ITPR2: variants seen among roughly 807,000 people sequenced by gnomAD.
The protein encoded by ITPR2 is inositol 1,4,5-trisphosphate-gated calcium channel ITPR2.
Under a neutral mutation model 317.1 loss-of-function variants are expected in ITPR2, and 207 were observed. The observed-to-expected ratio is 0.65, with a 90% CI of 0.58 to 0.73. The LOEUF (loss-of-function observed/expected upper bound fraction) is 0.73, where lower values mean the gene tolerates loss of function less well. Ranked by LOEUF, ITPR2 falls within the 30% of genes least tolerant of loss-of-function variation. ITPR2 has a pLI of 0.00. For missense variants in ITPR2, 2,613 were observed against 3,284.0 expected, an observed-to-expected ratio of 0.80 and a Z score of 4.99; for synonymous variants, 1,156 against 1,149.1, an observed-to-expected ratio of 1.01 and a Z score of -0.12.
chr12:26,811,473 C>T (rs1386911958), intron 1 of ITPR2, among the ~76,000 whole-genome samples: 1 of 145,122 alleles, frequency 6.9e-6, no homozygotes, highest in Non-Finnish European at 1.5e-5. Context: ...TGGTTGGGCG[C>T]GGTGGCTCAC....
intron 48 of ITPR2, among the ~76,000 whole-genome samples, chr12:26,432,265 C>G (rs934924827): frequency 6.6e-6 from 1 of 152,076 alleles, no homozygotes; most frequent in Non-Finnish European, 1.5e-5. Context: ...GTTGCTCAGT[C>G]TTTCTTTGTC....
At chr12:26,692,234 A>AG (rs145535530) in intron 10 of ITPR2, among the ~76,000 whole-genome samples, 27,471 of 152,152 alleles carry the variant, frequency 0.18, 3,287 homozygotes, top group Non-Finnish European at 0.26. Context: ...GGTTCTCAAC[A>AG]GGGAATGATA....
At chr12:26,675,932 C>A (rs1592026356) in intron 13 of ITPR2, among the ~76,000 whole-genome samples, 1 of 152,074 alleles carries the variant, frequency 6.6e-6, no homozygotes, top group Admixed American at 6.6e-5. Context: ...CAGAGGCGGG[C>A]AGATCACCTG....
intron 45 of ITPR2, among the ~76,000 whole-genome samples, chr12:26,465,348 C>T (rs1188737733): frequency 6.6e-6 from 1 of 152,128 alleles, no homozygotes; most frequent in Non-Finnish European, 1.5e-5. Flanking sequence ...TGACTGGTGG[C>T]CTCACCAAGA....
chr12:26,604,598 T>C lies in ITPR2; in HGVS notation c.3463-1892A>G, dbSNP rs538808964. 1.3e-4 allele frequency among the ~76,000 whole-genome samples: 20 copies of C among 152,262 alleles called. No individual in the cohort carries two copies. The East Asian group carries it at 2.7e-3, about 21-fold the overall frequency. On this transcript the variant is annotated intron_variant, in intron 26 of 56. Coordinates refer to ENST00000381340, the MANE Select transcript of ITPR2 (RefSeq NM_002223.4). Reference sequence around the variant, plus strand: ...CACTTGTCACTCATACTCACTAGAATTGGAAATGCAAAAAGTAAAAGATCA... The same window carrying C: ...CACTTGTCACTCATACTCACTAGAACTGGAAATGCAAAAAGTAAAAGATCA...
At chr12:26,472,548 A>G (rs1942318144) in intron 45 of ITPR2, among the ~76,000 whole-genome samples, 1 of 151,436 alleles carries the variant, frequency 6.6e-6, no homozygotes, top group African/African-American at 2.4e-5. Context: ...CATTGATATC[A>G]TTGATTTATC....
intron 37 of ITPR2, among the ~76,000 whole-genome samples, chr12:26,502,142 C>T (rs1411343089): frequency 2.0e-5 from 3 of 152,158 alleles, no homozygotes; most frequent in African/African-American, 7.2e-5. Flanking sequence ...TTAATTAAAA[C>T]CTCCCAGTAT....
At chr12:26,380,318 A>G (rs1236269579) in intron 55 of ITPR2, among the ~76,000 whole-genome samples, 2 of 152,228 alleles carry the variant, frequency 1.3e-5, no homozygotes, top group Non-Finnish European at 2.9e-5. Context: ...GGTCTTACAC[A>G]TGAATACTAA....
At position 26,486,364 on chromosome 12, in the gene ITPR2, A is replaced by G. The variant is rs1301533197; in HGVS notation, c.5555-4T>C. 1 of 1,606,172 alleles carries G rather than the reference A, an allele frequency of 6.2e-7. No homozygotes were observed. On this transcript the variant is annotated splice_polypyrimidine_tract_variant and splice_region_variant and intron_variant, in intron 40 of 56. Coordinates refer to ENST00000381340, the MANE Select transcript of ITPR2 (RefSeq NM_002223.4). Reference sequence around the variant, plus strand: ...AAATGTAGTGTTGAATCTCTTACTGAAAACAAAGCAGTACTTTTATATTTC... The same window carrying G: ...AAATGTAGTGTTGAATCTCTTACTGGAAACAAAGCAGTACTTTTATATTTC...
chr12:26,506,786 C>T (rs1415560159), intron 37 of ITPR2, among the ~76,000 whole-genome samples: 1 of 152,010 alleles, frequency 6.6e-6, no homozygotes, highest in Non-Finnish European at 1.5e-5. Context: ...ATAGGATTTT[C>T]GTATTTTACT....
At position 26,657,852 on chromosome 12, in the gene ITPR2, T is replaced by G. The variant is rs1399514463; in HGVS notation, c.2047A>C (p.Ile683Leu). 4.3e-6 allele frequency: 7 copies of G among 1,614,182 alleles called. No individual in the cohort carries two copies. In the South Asian group the frequency reaches 6.6e-5, roughly 15 times the overall value. ...MQADNPMESSILSDDIDDEEV... is the reference protein window; with the variant it reads ...MQADNPMESSLLSDDIDDEEV... ...TCATCATCAATGTCATCTGAAAGGATGGAGCTCTCCATGGGGTTGTCTGCT... is the reference window on the plus strand; with the variant it reads ...TCATCATCAATGTCATCTGAAAGGAGGGAGCTCTCCATGGGGTTGTCTGCT... Residue 683 changes from isoleucine (I) to leucine (L), a missense_variant, in exon 18 of 57, where the codon ATC becomes CTC. Physicochemically the swap from Ile to Leu is conservative, Grantham distance 5. Transcript: ENST00000381340.
At chr12:26,821,248 T>C (rs562972828) in intron 1 of ITPR2, among the ~76,000 whole-genome samples, 46 of 152,328 alleles carry the variant, frequency 3.0e-4, no homozygotes, top group Non-Finnish European at 4.7e-4. Flanking sequence ...CTTTCTCCCA[T>C]ACCACACTGC....
chr12:26,443,980 A>G (rs1335735733), intron 45 of ITPR2, among the ~76,000 whole-genome samples: 1 of 152,208 alleles, frequency 6.6e-6, no homozygotes, highest in Non-Finnish European at 1.5e-5. Flanking sequence ...CAACAGTGCA[A>G]TAAATCAGTG....
chr12:26,540,292 A>G (rs1944221981), intron 37 of ITPR2, among the ~76,000 whole-genome samples: 1 of 152,242 alleles, frequency 6.6e-6, no homozygotes, highest in South Asian at 2.1e-4. Flanking sequence ...AAGTGCTGAA[A>G]TGATTACAAA....
intron 55 of ITPR2, among the ~76,000 whole-genome samples, chr12:26,347,168 C>A (rs902962648): frequency 4.6e-5 from 7 of 152,172 alleles, no homozygotes; most frequent in Admixed American, 3.9e-4. Context: ...TATAATCTAT[C>A]CCTATTCTTA....
At chr12:26,712,703 G>A (rs541325425) in intron 8 of ITPR2, among the ~76,000 whole-genome samples, 98 of 151,812 alleles carry the variant, frequency 6.5e-4, no homozygotes, top group African/African-American at 2.3e-3. Flanking sequence ...TAAATGCTAA[G>A]GTTAACAAAT....
intron 37 of ITPR2, among the ~76,000 whole-genome samples, chr12:26,522,602 T>C (rs533014661): frequency 6.6e-6 from 1 of 152,180 alleles, no homozygotes; most frequent in Non-Finnish European, 1.5e-5. Context: ...TTTGGTTAAA[T>C]GGAATAATAC....
rs111946292 is a variant in ITPR2 at position 26,581,334 on chromosome 12, G to T, written c.4381-1179C>A. The stretch of plus-strand genomic sequence containing the variant: ...GGAGAAAGAGAACAGGGTTTGTTTT[G>T]CATCTAAGTCACTTCCCATCTGAGC... On this transcript the variant is annotated intron_variant, in intron 32 of 56. Transcript: ENST00000381340. 3.5e-3 allele frequency among the ~76,000 whole-genome samples: 536 copies of T among 152,224 alleles called. 4 individuals carry two copies. The highest frequency in any genetic ancestry group is 0.011 in the African/African-American group (446 of 41,540).
intron 34 of ITPR2, among the ~76,000 whole-genome samples, chr12:26,574,192 T>C (rs1244499574): frequency 6.6e-6 from 1 of 151,398 alleles, no homozygotes; most frequent in Non-Finnish European, 1.5e-5. Context: ...ATATGAGTTA[T>C]AATTCTGTCT....
Sources: gnomAD v4.1 joint callset for allele counts (sites outside exome capture counted in the v4.1 genomes callset) on GRCh38, gnomAD v4.1.1 for gene constraint, MANE v1.5 for transcripts, NCBI Gene and HGNC (gene_info 2026-07-23, HGNC 2026-07-21) for gene names.